Variants in CNTN5 observed in about 807,000 individuals in gnomAD.
The protein encoded by CNTN5 is contactin 5.
CNTN5 carries 77 observed loss-of-function variants against 129.1 expected under a neutral mutation model. The ratio of observed to expected loss-of-function variants is 0.60; its 90% confidence interval spans 0.50 to 0.72. CNTN5 has a LOEUF of 0.72. CNTN5 is among the 30% of genes least tolerant of loss of function. The probability of loss-of-function intolerance (pLI) is 0.00; values close to 1 mark genes in which losing one functional copy is unlikely to be tolerated. For synonymous variants in CNTN5, 509 were observed against 465.6 expected, an observed-to-expected ratio of 1.09 and a Z score of -1.20; for missense variants, 1,478 against 1,328.8, an observed-to-expected ratio of 1.11 and a Z score of -1.75.
chr11:99,103,409 A>G (rs574376105), intron 1 of CNTN5, among the ~76,000 whole-genome samples: 88 of 152,192 alleles, frequency 5.8e-4, no homozygotes, highest in African/African-American at 2.0e-3. Flanking sequence ...TTTCCTTTAC[A>G]TCTTTTTCTT....
chr11:99,512,106 C>G (rs1946859622), intron 2 of CNTN5, among the ~76,000 whole-genome samples: 1 of 152,120 alleles, frequency 6.6e-6, no homozygotes, highest in African/African-American at 2.4e-5. Context: ...TTCACATTCA[C>G]TCCCATTCAC....
In CNTN5 at chr11:99,726,087, C is replaced by T. The variant is rs185933473; in HGVS notation, c.56-93457C>T. Reference sequence around the variant, plus strand: ...GAGAAGTTCTCTTTAAGTATAATTCCCTCTTGGATATGATGTCAGTGGTAT... The same window carrying T: ...GAGAAGTTCTCTTTAAGTATAATTCTCTCTTGGATATGATGTCAGTGGTAT... On this transcript the variant is annotated intron_variant, in intron 3 of 24. Transcript: ENST00000524871. Among the ~76,000 whole-genome samples the T allele has an allele frequency of 3.2e-3, 482 of 152,242 alleles. 2 individuals carry two copies. Among genetic ancestry groups the T allele is most frequent in the Non-Finnish European group, 5.8e-3 (396 of 68,012 alleles).
At chr11:99,890,565 A>G (rs1336225749) in intron 6 of CNTN5, among the ~76,000 whole-genome samples, 3 of 150,150 alleles carry the variant, frequency 2.0e-5, no homozygotes, top group Admixed American at 6.6e-5. Context: ...TGAAATAGAC[A>G]TGTGTGTGTG....
intron 6 of CNTN5, among the ~76,000 whole-genome samples, chr11:99,859,411 G>C (rs1244967534): frequency 6.6e-6 from 1 of 152,062 alleles, no homozygotes; most frequent in South Asian, 2.1e-4. Context: ...TTGTTACCTG[G>C]GTACATTGCA....
chr11:99,954,170 T>C (rs1028923819), intron 7 of CNTN5, among the ~76,000 whole-genome samples: 7 of 151,988 alleles, frequency 4.6e-5, no homozygotes, highest in African/African-American at 1.7e-4. Context: ...GTAAACTACA[T>C]AGAAAAATGG....
chr11:100,038,225 A>AC (rs1360129675), intron 9 of CNTN5, among the ~76,000 whole-genome samples: 1 of 151,650 alleles, frequency 6.6e-6, no homozygotes, highest in Non-Finnish European at 1.5e-5. Context: ...TTCGTTATGT[A>AC]CCCAGTAGTC....
intron 1 of CNTN5, among the ~76,000 whole-genome samples, chr11:99,248,812 C>G (rs1302665291): frequency 6.6e-6 from 1 of 152,030 alleles, no homozygotes; most frequent in Non-Finnish European, 1.5e-5. Flanking sequence ...CAGTTCTGTT[C>G]CATTGGTCTG....
intron 8 of CNTN5, among the ~76,000 whole-genome samples, chr11:99,978,169 TAGAA>T (rs1938112184): frequency 6.6e-6 from 1 of 152,000 alleles, no homozygotes; most frequent in African/African-American, 2.4e-5. Flanking sequence ...ATTTTAAAGA[TAGAA>T]AAAAGCTTAT....
chr11:99,854,110 G>T (rs937640073), intron 6 of CNTN5, among the ~76,000 whole-genome samples: 2 of 152,248 alleles, frequency 1.3e-5, no homozygotes, highest in South Asian at 2.1e-4. Flanking sequence ...TATTAATAGT[G>T]CTTGAGGCTA....
At chr11:100,257,504 A>AAG (rs1950099276) in intron 17 of CNTN5, among the ~76,000 whole-genome samples, 1 of 152,164 alleles carries the variant, frequency 6.6e-6, no homozygotes, top group Non-Finnish European at 1.5e-5. Flanking sequence ...CACAACTCCC[A>AAG]GCAGGGAGTT....
intron 23 of CNTN5, among the ~76,000 whole-genome samples, chr11:100,344,609 T>C (rs1271216802): frequency 1.3e-5 from 2 of 152,094 alleles, no homozygotes; most frequent in South Asian, 2.1e-4. Flanking sequence ...TAATAATCTA[T>C]TGTACACTTC....
At chr11:100,217,831 C>A (rs953455451) in intron 15 of CNTN5, among the ~76,000 whole-genome samples, 6 of 152,262 alleles carry the variant, frequency 3.9e-5, no homozygotes, top group Admixed American at 1.3e-4. Flanking sequence ...ATCCATCATA[C>A]AAACACTAGA....
At chr11:100,299,135 ATAAT>A in intron 19 of CNTN5, 23 bp from the exon 20 acceptor site, 4 of 1,388,718 alleles carry the variant, frequency 2.9e-6, no homozygotes, top group South Asian at 1.3e-5. Context: ...CATTTTGCTG[ATAAT>A]TAATTATATT....
intron 15 of CNTN5, among the ~76,000 whole-genome samples, chr11:100,204,285 C>A (rs1948857587): frequency 1.3e-5 from 1 of 77,740 alleles, no homozygotes; most frequent in Non-Finnish European, 2.6e-5. Flanking sequence ...CACCAAGAAA[C>A]AAACATTGAC....
At chr11:99,848,701 A>T (rs1947779903) in intron 6 of CNTN5, among the ~76,000 whole-genome samples, 1 of 152,164 alleles carries the variant, frequency 6.6e-6, no homozygotes, top group Admixed American at 6.5e-5. Flanking sequence ...GTTTTATTGA[A>T]TACTTATTTT....
intron 2 of CNTN5, among the ~76,000 whole-genome samples, chr11:99,390,651 T>G (rs1413088090): frequency 6.6e-6 from 1 of 152,168 alleles, no homozygotes; most frequent in Non-Finnish European, 1.5e-5. Context: ...TGTACTAAAT[T>G]CAATGTCTCT....
intron 1 of CNTN5, among the ~76,000 whole-genome samples, chr11:99,255,781 C>T (rs1355344675): frequency 1.3e-5 from 2 of 151,120 alleles, no homozygotes; most frequent in African/African-American, 4.9e-5. Flanking sequence ...TACACACATA[C>T]ATGCATAAAC....
intron 13 of CNTN5, among the ~76,000 whole-genome samples, chr11:100,110,742 T>C (rs1164033809): frequency 2.0e-5 from 3 of 152,216 alleles, no homozygotes; most frequent in Admixed American, 6.5e-5. Context: ...TTCCACCAAT[T>C]GCATCTTTAG....
At chr11:100,101,641 C>A (rs1043645797) in intron 13 of CNTN5, among the ~76,000 whole-genome samples, 1 of 151,942 alleles carries the variant, frequency 6.6e-6, no homozygotes, top group Middle Eastern at 3.4e-3. Context: ...TGGATAATTT[C>A]TTTAGTGGTG....
Sources: allele counts gnomAD v4.1 joint callset (sites outside exome capture counted in the v4.1 genomes callset), GRCh38; gene constraint gnomAD v4.1.1; transcripts MANE v1.5; gene names NCBI Gene and HGNC (gene_info 2026-07-23, HGNC 2026-07-21).